The following TDRD10 variants were observed in gnomAD, a reference collection of about 807,000 sequenced individuals.
TDRD10 encodes tudor domain-containing protein 10.
Under a neutral mutation model 48.0 loss-of-function variants are expected in TDRD10, and 40 were observed. The ratio of observed to expected loss-of-function variants is 0.83; its 90% CI spans 0.65 to 1.09. TDRD10 has a LOEUF of 1.09. TDRD10 is among the 50% of genes least tolerant of loss of function. TDRD10 has a pLI of 0.00. For synonymous variants in TDRD10, 162 were observed against 170.4 expected, an observed-to-expected ratio of 0.95 and a Z score of 0.38; for missense variants, 378 against 434.7, an observed-to-expected ratio of 0.87 and a Z score of 1.16.
chr1:154,514,612 A>C (rs1333234412), intron 4 of TDRD10, among the ~76,000 whole-genome samples: 3 of 152,148 alleles, frequency 2.0e-5, no homozygotes, highest in African/African-American at 7.2e-5. Flanking sequence ...TTGTCATGCC[A>C]CTGCTCGCAC....
chr1:154,540,868 T>C (rs1376142664), intron 6 of TDRD10, among the ~76,000 whole-genome samples: 3 of 152,150 alleles, frequency 2.0e-5, no homozygotes, highest in Non-Finnish European at 2.9e-5. Context: ...GAGAACCAGA[T>C]ACATGTGATG....
At chr1:154,540,078 G>T (rs1024611239) in intron 6 of TDRD10, among the ~76,000 whole-genome samples, 2 of 152,200 alleles carry the variant, frequency 1.3e-5, no homozygotes, top group African/African-American at 4.8e-5. Context: ...TTATTTGTAA[G>T]CACGATGGGG....
chr1:154,521,476 G>A lies in TDRD10; in HGVS notation c.366G>A (p.Pro122=), dbSNP rs907639076. ...ATATGATCCAGCAGCCTCGGGCCCC[G>A]CTGGTATGTCTTCTGGCCTTTCTGC... The part of the protein sequence containing the change: ...TPDMIQQPRA[P]LVLEKASGEG... Residue 122 remains proline (P), a synonymous_variant, in exon 6 of 13, where the codon CCG becomes CCA. Coordinates refer to ENST00000368482, the MANE Select transcript of TDRD10 (RefSeq NM_182499.4). The A allele has an allele frequency of 3.7e-6, 6 of 1,613,538 alleles. No individual in the cohort carries two copies. The highest frequency in any genetic ancestry group is 1.1e-5 in the South Asian group (1 of 91,028).
At chr1:154,523,042 T>C (rs1243024215) in intron 6 of TDRD10, among the ~76,000 whole-genome samples, 1 of 152,136 alleles carries the variant, frequency 6.6e-6, no homozygotes, top group East Asian at 1.9e-4. Flanking sequence ...CAGCTGGGAC[T>C]ACAGGTGTGA....
Position 154,542,793 on chromosome 1 carries a change from G to A in TDRD10, c.475G>A (p.Ala159Thr), listed in dbSNP as rs1695316300. The change falls in exon 8 of 13, where the codon GCC becomes ACC. Residue 159 changes from alanine (A) to threonine (T), a missense_variant. Around this residue, in one of 2 missense-constraint regions of TDRD10, gnomAD observed 310 missense variants for 323.6 expected, o/e 0.96. Transcript: ENST00000368482. Reference sequence around the variant, plus strand: ...GTGTGAGACAGAGAAACTGAGGGCAGCCTTCTTTGCAGTCCCGTTGGAAAT... The same window carrying A: ...GTGTGAGACAGAGAAACTGAGGGCAACCTTCTTTGCAGTCCCGTTGGAAAT... ...DLCETEKLRA[A>T]FFAVPLEMRG... is the part of the protein sequence containing the mutation. 6.2e-7 allele frequency: 1 copy of A among 1,613,896 alleles called. No individual in the cohort carries two copies. Among genetic ancestry groups the A allele is most frequent in the South Asian group, 1.1e-5 (1 of 91,078 alleles).
intron 6 of TDRD10, among the ~76,000 whole-genome samples, chr1:154,524,571 T>A (rs776680845): frequency 1.3e-5 from 2 of 152,224 alleles, no homozygotes; most frequent in South Asian, 4.1e-4. Flanking sequence ...CTAGCAAAGA[T>A]TAAATTACTA....
intron 3 of TDRD10, 37 bp from the exon 4 acceptor site, chr1:154,508,386 A>G (rs1693267132): frequency 1.4e-6 from 2 of 1,425,124 alleles, no homozygotes; most frequent in Non-Finnish European, 9.9e-7. Context: ...CTCTAACCGT[A>G]TGTATGCCTG....
intron 6 of TDRD10, among the ~76,000 whole-genome samples, chr1:154,527,246 G>A (rs1411730700): frequency 6.6e-6 from 1 of 152,248 alleles, no homozygotes; most frequent in Non-Finnish European, 1.5e-5. Flanking sequence ...GTCTGTGGAT[G>A]CAGAAACCAC....
intron 1 of TDRD10, 97 bp from the exon 2 acceptor site, chr1:154,506,780 G>A: frequency 9.5e-7 from 1 of 1,047,658 alleles, no homozygotes; most frequent in Non-Finnish European, 1.5e-6. Flanking sequence ...CTTTTGGTTG[G>A]GGAGGCATTA....
chr1:154,540,645 A>G (rs1695173848), intron 6 of TDRD10, among the ~76,000 whole-genome samples: 1 of 151,912 alleles, frequency 6.6e-6, no homozygotes, highest in South Asian at 2.1e-4. Context: ...GTACCTCTTC[A>G]CTGTCCTGTC....
chr1:154,538,729 TG>T (rs1695057349), intron 6 of TDRD10, among the ~76,000 whole-genome samples: 1 of 151,752 alleles, frequency 6.6e-6, no homozygotes. Context: ...GGTGGGCACC[TG>T]TAGTCTGAGC....
chr1:154,543,390 C>T (rs961131694), intron 8 of TDRD10, among the ~76,000 whole-genome samples: 3 of 152,210 alleles, frequency 2.0e-5, no homozygotes, highest in Non-Finnish European at 4.4e-5. Context: ...CACCATGTCC[C>T]CTGCTTTGCT....
chr1:154,520,583 T>C (rs1694006347), intron 5 of TDRD10, among the ~76,000 whole-genome samples: 1 of 152,212 alleles, frequency 6.6e-6, no homozygotes, highest in African/African-American at 2.4e-5. Context: ...AACCCTGGCT[T>C]AGAAGTCCAG....
intron 4 of TDRD10, among the ~76,000 whole-genome samples, 163 bp from the exon 5 acceptor site, chr1:154,520,141 T>C (rs1293530287): frequency 6.6e-6 from 1 of 152,186 alleles, no homozygotes; most frequent in African/African-American, 2.4e-5. Context: ...GGCTGTGGCC[T>C]TTCTTGCCTA....
At chr1:154,546,001 C>T (rs1291622430) in intron 11 of TDRD10, among the ~76,000 whole-genome samples, 2 of 143,422 alleles carry the variant, frequency 1.4e-5, no homozygotes, top group Non-Finnish European at 3.0e-5. Context: ...TCTCGAACTC[C>T]TGACCTCGTG....
chr1:154,506,808 C>T, intron 1 of TDRD10, 69 bp from the exon 2 acceptor site: 1 of 1,352,906 alleles, frequency 7.4e-7, no homozygotes, highest in East Asian at 2.3e-5. Context: ...TACCACAGTA[C>T]CTATTCGGTG....
intron 6 of TDRD10, among the ~76,000 whole-genome samples, chr1:154,523,469 G>T (rs1258069729): frequency 3.9e-5 from 6 of 152,164 alleles, no homozygotes; most frequent in Non-Finnish European, 8.8e-5. Flanking sequence ...GGTAGGGCCT[G>T]GGAATTAGCA....
At chr1:154,547,286 C>A in intron 11 of TDRD10, 123 bp from the exon 12 acceptor site, 1 of 895,812 alleles carries the variant, frequency 1.1e-6, no homozygotes, top group East Asian at 2.5e-5. Context: ...CAGAGACTTG[C>A]TGGTTGGAGC....
At chr1:154,530,080 T>C (rs1474610003) in intron 6 of TDRD10, among the ~76,000 whole-genome samples, 1 of 152,032 alleles carries the variant, frequency 6.6e-6, no homozygotes, top group African/African-American at 2.4e-5. Flanking sequence ...AATGACACGA[T>C]CTTGGCTCAC....
Sources: gnomAD v4.1 joint callset for allele counts (sites outside exome capture counted in the v4.1 genomes callset) on GRCh38, gnomAD v4.1.1 for gene constraint, gnomAD v4.1.1 regional missense constraint, MANE v1.5 for transcripts, NCBI Gene and HGNC (gene_info 2026-07-23, HGNC 2026-07-21) for gene names.